The following PCDHGA9 variants were observed in gnomAD, a reference collection of about 807,000 sequenced individuals.
PCDHGA9 encodes the protein protocadherin gamma subfamily A, 9, also known as protocadherin gamma-A9.
In PCDHGA9, 37 loss-of-function variants were observed where a neutral mutation model predicts 62.5. That is an observed-to-expected ratio of 0.59 (90% CI 0.46 to 0.78). PCDHGA9 has a LOEUF of 0.78. Among genes scored for constraint, PCDHGA9 ranks in the 30% least tolerant of loss-of-function variants. The pLI is 0.00. For synonymous variants in PCDHGA9, 459 were observed against 484.6 expected (o/e 0.95, Z 0.69); for missense variants, 1,138 against 1,166.2 (o/e 0.98, Z 0.35).
chr5:141,420,845 G>T (rs1038454602), intron 1 of PCDHGA9, among the ~76,000 whole-genome samples: 4 of 152,200 alleles, frequency 2.6e-5, no homozygotes, highest in Non-Finnish European at 4.4e-5. Context: ...GGTGTTCTTG[G>T]TAAAGTTTTA....
intron 1 of PCDHGA9, among the ~76,000 whole-genome samples, chr5:141,459,035 A>T (rs1404092581): frequency 6.6e-6 from 1 of 152,218 alleles, no homozygotes; most frequent in Non-Finnish European, 1.5e-5. Context: ...ATCCAGCCTT[A>T]CCAGCTATAT....
chr5:141,411,868 A>G (rs2095520425), intron 1 of PCDHGA9: 1 of 152,224 alleles, frequency 6.6e-6, no homozygotes, highest in South Asian at 2.1e-4. Flanking sequence ...TCAAAAAAAA[A>G]AGACATTTCT....
intron 1 of PCDHGA9, chr5:141,410,318 G>A: frequency 6.2e-7 from 1 of 1,613,982 alleles, no homozygotes; most frequent in Non-Finnish European, 8.5e-7. Flanking sequence ...CTTCCTCCTC[G>A]CCGTGATTCT....
chr5:141,478,155 G>A (rs138384601), intron 1 of PCDHGA9: 1 of 1,613,992 alleles, frequency 6.2e-7, no homozygotes, highest in Non-Finnish European at 8.5e-7. Context: ...TTCCCCTCTG[G>A]CTCTGCCCCC....
intron 1 of PCDHGA9, among the ~76,000 whole-genome samples, chr5:141,462,203 G>A (rs544238255): frequency 2.6e-5 from 4 of 152,036 alleles, no homozygotes; most frequent in East Asian, 1.9e-4. Flanking sequence ...CAGGTGATCC[G>A]CCTGCCTCGG....
chr5:141,441,230 ATTTAAATCACAAGATC>A (rs1009424536), intron 1 of PCDHGA9: 1 of 152,196 alleles, frequency 6.6e-6, no homozygotes, highest in African/African-American at 2.4e-5. Context: ...ACTGTCCAGG[ATTTAAATCACAAGATC>A]TTTAAATCAC....
At position 141,494,852 on chromosome 5, in the gene PCDHGA9, C is replaced by T. The variant is rs755464933; in HGVS notation, c.2470C>T (p.Pro824Ser). ...TDWRFSQAQR[P>S]GTSGSQNGDD... is the part of the protein sequence containing the mutation. Reference sequence around the variant, plus strand: ...CTGGCGTTTCTCTCAGGCCCAGAGACCCGGCACCAGCGGGTAGGTGACTGA... The same window carrying T: ...CTGGCGTTTCTCTCAGGCCCAGAGATCCGGCACCAGCGGGTAGGTGACTGA... The change falls in exon 2 of 4, where the codon CCC (proline) becomes TCC (serine). Residue 824 changes from proline (P) to serine (S), a missense_variant. Coordinates refer to ENST00000573521, the MANE Select transcript of PCDHGA9 (RefSeq NM_018921.3). 6 of 1,614,042 alleles carry T rather than the reference C, an allele frequency of 3.7e-6. No homozygotes were observed. Among genetic ancestry groups the T allele is most frequent in the Admixed American group, 1.7e-5 (1 of 60,000 alleles).
At position 141,419,268 on chromosome 5, in the gene PCDHGA9, C is replaced by T. The variant is rs1240259934; in HGVS notation, c.2424+13892C>T. 6.2e-6 allele frequency: 10 copies of T among 1,614,050 alleles called. No homozygotes were observed. The East Asian group carries it at 2.2e-4, about 36-fold the overall frequency. ...CCAGAAAACAACCAGCCGGGTGCCT[C>T]CATAGCGCAAGTCAGTGCCTCTGAC... is the stretch of plus-strand genomic sequence containing the variant. On this transcript the variant is annotated intron_variant, in intron 1 of 3. Transcript: ENST00000573521.
At chr5:141,412,441 G>A (rs1334085357) in intron 1 of PCDHGA9, 2 of 152,124 alleles carry the variant, frequency 1.3e-5, no homozygotes, top group Non-Finnish European at 2.9e-5. Context: ...GTTAATTAAG[G>A]CTCAGTAAAA....
At position 141,403,984 on chromosome 5, in the gene PCDHGA9, A is replaced by C; in HGVS notation, c.1032A>C (p.Arg344Ser). ...CGGTGGAAGATGTAAATGACAATAG[A>C]CCTGAAGTGACCATTACATCTCTGT... ...LISVEDVNDNRPEVTITSLFS... is the reference protein window; with the variant it reads ...LISVEDVNDNSPEVTITSLFS... The change falls in exon 1 of 4, where the codon AGA becomes AGC. Residue 344 changes from arginine (R) to serine (S), a missense_variant. Physicochemically the swap from Arg to Ser is moderately radical, Grantham distance 110. Coordinates refer to ENST00000573521, the MANE Select transcript of PCDHGA9 (RefSeq NM_018921.3). 6.2e-7 allele frequency: 1 copy of C among 1,613,892 alleles called. No homozygotes were observed. Among genetic ancestry groups the C allele is most frequent in the South Asian group, 1.1e-5 (1 of 91,082 alleles).
intron 1 of PCDHGA9, among the ~76,000 whole-genome samples, chr5:141,488,398 A>T (rs2099675065): frequency 6.6e-6 from 1 of 152,192 alleles, no homozygotes; most frequent in African/African-American, 2.4e-5. Flanking sequence ...GAAACCATGA[A>T]ACCTAGAAGC....
At chr5:141,421,875 A>C (rs1345376105) in intron 1 of PCDHGA9, 2 of 1,613,648 alleles carry the variant, frequency 1.2e-6, no homozygotes, top group South Asian at 2.2e-5. Flanking sequence ...TCACAGCTTT[A>C]GATGGAGGCG....
chr5:141,476,725 C>G lies in PCDHGA9; in HGVS notation c.2425-18082C>G. On this transcript the variant is annotated intron_variant, in intron 1 of 3. Coordinates refer to ENST00000573521, the MANE Select transcript of PCDHGA9 (RefSeq NM_018921.3). This position sits in a 1 kb window ranked among gnomAD's most constrained non-coding sequence, Gnocchi z 7.6. ...AGCTGGTGTTGGAGCGCGCCCTGGA[C>G]CGAGAACGGGAGCCTAGTCTCCAGT... The G allele has an allele frequency of 6.2e-7, 1 of 1,614,132 alleles. No homozygotes were observed. Among genetic ancestry groups the G allele is most frequent in the Non-Finnish European group, 8.5e-7 (1 of 1,180,038 alleles).
chr5:141,414,556 T>G, intron 1 of PCDHGA9: 2 of 1,613,990 alleles, frequency 1.2e-6, no homozygotes, highest in Non-Finnish European at 1.7e-6. Flanking sequence ...TCAAGTCTCC[T>G]ACTTTACCTA....
intron 1 of PCDHGA9, among the ~76,000 whole-genome samples, chr5:141,474,412 C>A (rs1282336092): frequency 6.6e-6 from 1 of 152,220 alleles, no homozygotes; most frequent in Non-Finnish European, 1.5e-5. Flanking sequence ...CCGGTGATGC[C>A]TAGACCATTG....
At position 141,463,438 on chromosome 5, in the gene PCDHGA9, C is replaced by CTTTTT. The variant is rs71576115; in HGVS notation, c.2425-31345_2425-31341dup. On this transcript the variant is annotated intron_variant, in intron 1 of 3. Coordinates refer to ENST00000573521, the MANE Select transcript of PCDHGA9 (RefSeq NM_018921.3). ...GTTTGCGGATCCTCATTTCCTTCTC[C>CTTTTT]TTTTTTTTTTTTTTTTTTTTTTTTT... is the stretch of plus-strand genomic sequence containing the variant. 3.0e-4 allele frequency among the ~76,000 whole-genome samples: 31 copies of CTTTTT among 103,252 alleles called. 1 individual carries two copies. Among genetic ancestry groups the CTTTTT allele is most frequent in the African/African-American group, 1.2e-3 (26 of 22,402 alleles). The allele number at this position is 103,252 out of a possible 152,430, so 67.7% of individuals were successfully genotyped here.
chr5:141,413,050 G>C (rs868475186), intron 1 of PCDHGA9: 5 of 939,920 alleles, frequency 5.3e-6, no homozygotes, highest in Middle Eastern at 3.3e-4. Flanking sequence ...CTGCAGGGAA[G>C]CTCACTCCAG....
chr5:141,427,751 C>G (rs778043340), intron 1 of PCDHGA9: 6 of 1,306,076 alleles, frequency 4.6e-6, no homozygotes, highest in Non-Finnish European at 6.6e-6. Context: ...CCTACTCCAT[C>G]GTTACCACTG....
chr5:141,420,934 C>A (rs2096533899), intron 1 of PCDHGA9: 2 of 377,936 alleles, frequency 5.3e-6, no homozygotes, highest in South Asian at 5.3e-5. Flanking sequence ...TGAGCGTAAT[C>A]ATTTCTTCTG....
Sources: allele counts gnomAD v4.1 joint callset (sites outside exome capture counted in the v4.1 genomes callset), GRCh38; gene constraint gnomAD v4.1.1; non-coding constraint Gnocchi (gnomAD v3.1); transcripts MANE v1.5; gene names NCBI Gene and HGNC (gene_info 2026-07-23, HGNC 2026-07-21).